Variants in RPS6KC1 observed in about 807,000 individuals in gnomAD.
RPS6KC1 encodes inactive ribosomal protein S6 kinase delta-1.
Under a neutral mutation model 103.8 loss-of-function variants are expected in RPS6KC1, and 54 were observed. That is an observed-to-expected ratio of 0.52 (90% confidence interval 0.42 to 0.65). RPS6KC1 has a LOEUF of 0.65. RPS6KC1 is among the 30% of genes least tolerant of loss of function. The pLI is 0.00. For synonymous variants in RPS6KC1, 439 were observed against 438.7 expected, an observed-to-expected ratio of 1.00 and a Z score of -0.01; for missense variants, 1,151 against 1,253.8, an observed-to-expected ratio of 0.92 and a Z score of 1.24.
chr1:213,781,468 G>A, the RPS6KC1 span, among the ~76,000 whole-genome samples: 2 of 152,168 alleles, frequency 1.3e-5, no homozygotes, highest in Non-Finnish European at 2.9e-5. Context: ...TTTAAGACAA[G>A]GGAGAAAGAC....
chr1:213,682,522 T>C, the RPS6KC1 span, among the ~76,000 whole-genome samples: 1 of 152,194 alleles, frequency 6.6e-6, no homozygotes, highest in African/African-American at 2.4e-5. Flanking sequence ...AAGTGAAAAC[T>C]GTCAAAGATA....
At chr1:213,532,744 G>A in the RPS6KC1 span, among the ~76,000 whole-genome samples, 1 of 152,164 alleles carries the variant, frequency 6.6e-6, no homozygotes, top group African/African-American at 2.4e-5. Context: ...CTTCAGAGGG[G>A]GATGTGCAGT....
chr1:213,528,851 G>A, the RPS6KC1 span, among the ~76,000 whole-genome samples: 1 of 152,152 alleles, frequency 6.6e-6, no homozygotes, highest in African/African-American at 2.4e-5. Context: ...GAAGTGTAAA[G>A]GAAAAATGTT....
At chr1:213,428,416 TCCCTTC>T in the RPS6KC1 span, among the ~76,000 whole-genome samples, 1 of 45,406 alleles carries the variant, frequency 2.2e-5, no homozygotes, top group African/African-American at 7.8e-5. Context: ...CCTCCCTCCC[TCCCTTC>T]CTCTCCCCTC....
At chr1:213,659,763 T>A in the RPS6KC1 span, among the ~76,000 whole-genome samples, 116,038 of 151,866 alleles carry the variant, frequency 0.76, 44,758 homozygotes, top group Non-Finnish European at 0.83. Flanking sequence ...CATATGTGCC[T>A]GTAAGTGCAT....
chr1:213,281,822 G>A, the RPS6KC1 span, among the ~76,000 whole-genome samples: 5 of 152,118 alleles, frequency 3.3e-5, no homozygotes, highest in Non-Finnish European at 7.3e-5. Flanking sequence ...AAAACAACTC[G>A]CTGGGTTTAG....
At chr1:213,344,375 A>G in the RPS6KC1 span, among the ~76,000 whole-genome samples, 4 of 152,238 alleles carry the variant, frequency 2.6e-5, no homozygotes, top group Admixed American at 2.6e-4. Flanking sequence ...AGATAAAAGA[A>G]GAGAATTTGG....
the RPS6KC1 span, among the ~76,000 whole-genome samples, chr1:213,658,061 C>T: frequency 5.3e-5 from 8 of 152,142 alleles, no homozygotes; most frequent in Non-Finnish European, 8.8e-5. Flanking sequence ...CAAATTCCAC[C>T]TGTAGGGAGG....
At chr1:213,801,256 C>G in the RPS6KC1 span, among the ~76,000 whole-genome samples, 1 of 152,166 alleles carries the variant, frequency 6.6e-6, no homozygotes, top group Non-Finnish European at 1.5e-5. Flanking sequence ...GAAAAAAAAG[C>G]AGCCTCACTC....
the RPS6KC1 span, among the ~76,000 whole-genome samples, chr1:213,722,949 T>C: frequency 6.6e-6 from 1 of 152,066 alleles, no homozygotes; most frequent in Non-Finnish European, 1.5e-5. Context: ...GAGGCCGAGG[T>C]TGGTGGATCA....
intron 3 of RPS6KC1, among the ~76,000 whole-genome samples, chr1:213,083,429 A>G (rs1214748215): frequency 6.6e-6 from 1 of 152,174 alleles, no homozygotes; most frequent in African/African-American, 2.4e-5. Context: ...CTTTTTGTAC[A>G]GGAATGTCTA....
At chr1:213,858,981 G>A in the RPS6KC1 span, among the ~76,000 whole-genome samples, 2 of 152,184 alleles carry the variant, frequency 1.3e-5, no homozygotes, top group Admixed American at 1.3e-4. Context: ...GCAGGCTGGT[G>A]ATGCCAAATA....
the RPS6KC1 span, among the ~76,000 whole-genome samples, chr1:213,854,562 T>TTCTTTCTCTC: frequency 2.0e-4 from 24 of 122,608 alleles, no homozygotes; most frequent in African/African-American, 8.0e-4. Context: ...CTTTCTTTCT[T>TTCTTTCTCTC]TCTCTCTCTC....
chr1:213,588,104 C>A, the RPS6KC1 span, among the ~76,000 whole-genome samples: 1 of 151,898 alleles, frequency 6.6e-6, no homozygotes, highest in African/African-American at 2.4e-5. Context: ...GAGACAGGGT[C>A]TCTCTCTCTC....
chr1:213,838,860 T>C, the RPS6KC1 span, among the ~76,000 whole-genome samples: 893 of 152,344 alleles, frequency 5.9e-3, 8 homozygotes, highest in Non-Finnish European at 9.7e-3. Context: ...AAATTAATTC[T>C]TCTGTCAAAA....
intron 3 of RPS6KC1, among the ~76,000 whole-genome samples, chr1:213,083,084 C>A (rs1444450996): frequency 6.6e-6 from 1 of 152,056 alleles, no homozygotes; most frequent in Non-Finnish European, 1.5e-5. Context: ...GTGACCCCCC[C>A]ACAAAAAAGT....
At chr1:213,053,519 C>G (rs2077104659) in intron 1 of RPS6KC1, among the ~76,000 whole-genome samples, 1 of 152,184 alleles carries the variant, frequency 6.6e-6, no homozygotes, top group Non-Finnish European at 1.5e-5. Context: ...TTATTCCTTT[C>G]AAGGATACTC....
the RPS6KC1 span, among the ~76,000 whole-genome samples, chr1:213,360,941 G>T: frequency 1.3e-5 from 2 of 152,180 alleles, no homozygotes; most frequent in African/African-American, 2.4e-5. Context: ...AGGGCTACTC[G>T]GCTGCGTGAG....
chr1:213,500,420 T>C, the RPS6KC1 span, among the ~76,000 whole-genome samples: 1 of 152,186 alleles, frequency 6.6e-6, no homozygotes, highest in Admixed American at 6.5e-5. Context: ...CCTGAGGCTC[T>C]TTTATAGTTA....
Sources: gnomAD v4.1 joint callset for allele counts (sites outside exome capture counted in the v4.1 genomes callset) on GRCh38, gnomAD v4.1.1 for gene constraint, MANE v1.5 for transcripts, NCBI Gene and HGNC (gene_info 2026-07-23, HGNC 2026-07-21) for gene names.